KLHL1: variants seen among roughly 807,000 people sequenced by gnomAD.
KLHL1 encodes kelch-like protein 1.
KLHL1 carries 47 observed loss-of-function variants against 77.7 expected under a neutral mutation model. That is an observed-to-expected ratio of 0.60 (90% confidence interval 0.48 to 0.77). The LOEUF (loss-of-function observed/expected upper bound fraction) is 0.77. Among genes scored for constraint, KLHL1 ranks in the 30% least tolerant of loss-of-function variants. The pLI is 0.00. For missense variants in KLHL1, 925 were observed against 910.8 expected (o/e 1.02, Z -0.20); for synonymous variants, 360 against 325.2 (o/e 1.11, Z -1.15).
intron 5 of KLHL1, among the ~76,000 whole-genome samples, chr13:69,874,473 A>C (rs1880693960): frequency 6.6e-6 from 1 of 152,198 alleles, no homozygotes; most frequent in Admixed American, 6.5e-5. Context: ...TAATTAATTC[A>C]GTTTTCCAAA....
At chr13:69,921,424 A>G (rs1309630729) in intron 4 of KLHL1, among the ~76,000 whole-genome samples, 1 of 152,218 alleles carries the variant, frequency 6.6e-6, no homozygotes, top group Non-Finnish European at 1.5e-5. Flanking sequence ...GTTGTCAGAT[A>G]TGGAAGGAGA....
chr13:69,734,254 C>T (rs952416310), intron 8 of KLHL1, among the ~76,000 whole-genome samples: 1 of 152,126 alleles, frequency 6.6e-6, no homozygotes, highest in African/African-American at 2.4e-5. Flanking sequence ...GATGTGCCTG[C>T]TCCCCCCTGG....
intron 7 of KLHL1, among the ~76,000 whole-genome samples, chr13:69,774,647 A>T (rs1310381693): frequency 6.8e-6 from 1 of 147,216 alleles, no homozygotes; most frequent in Non-Finnish European, 1.5e-5. Context: ...TTCCTAATAA[A>T]CTTGCCTTCA....
chr13:69,840,787 T>A (rs1240466922), intron 5 of KLHL1, among the ~76,000 whole-genome samples: 2 of 125,140 alleles, frequency 1.6e-5, no homozygotes, highest in African/African-American at 7.9e-5. Context: ...TTTAGTAAAT[T>A]TTTTTTTTTT....
chr13:69,835,576 C>A lies in KLHL1; in HGVS notation c.1414+3400G>T, dbSNP rs995348024. ...CTCTAAGTTACTGAGGCCTTTGGTT[C>A]TGGGTTGAAGCAGATTCAGGCTCAT... On this transcript the variant is annotated intron_variant, in intron 6 of 10. Coordinates refer to ENST00000377844, the MANE Select transcript of KLHL1 (RefSeq NM_020866.3). Among the ~76,000 whole-genome samples the A allele has an allele frequency of 6.6e-5, 10 of 152,046 alleles. No homozygotes were observed. The South Asian group carries it at 1.5e-3, about 22-fold the overall frequency.
intron 6 of KLHL1, among the ~76,000 whole-genome samples, chr13:69,829,873 T>C (rs561114297): frequency 2.7e-5 from 4 of 150,236 alleles, no homozygotes; most frequent in Admixed American, 2.0e-4. Context: ...GAAGAAAAGA[T>C]ATAATAATAT....
intron 9 of KLHL1, among the ~76,000 whole-genome samples, chr13:69,712,566 G>A (rs1290621366): frequency 6.6e-6 from 1 of 151,852 alleles, no homozygotes; most frequent in Non-Finnish European, 1.5e-5. Flanking sequence ...TTACTACAAT[G>A]TCTAGTTAAA....
At chr13:70,048,462 A>G (rs1044136443) in intron 1 of KLHL1, among the ~76,000 whole-genome samples, 3 of 152,268 alleles carry the variant, frequency 2.0e-5, no homozygotes, top group African/African-American at 7.2e-5. Context: ...TACAACATCA[A>G]CTTGTCTGGC....
Position 69,783,460 on chromosome 13 carries a change from C to T in KLHL1, c.1639+13278G>A, listed in dbSNP as rs140015165. 2.0e-3 allele frequency among the ~76,000 whole-genome samples: 300 copies of T among 152,114 alleles called. 1 individual carries two copies. Among genetic ancestry groups the T allele is most frequent in the African/African-American group, 6.8e-3 (284 of 41,500 alleles). ...TTAGACAAATGGATAACTAGAATAA[C>T]CAAAGCAGAGAAGTCCTTAAAGGAG... On this transcript the variant is annotated intron_variant, in intron 7 of 10. Transcript: ENST00000377844.
At chr13:69,918,557 G>A (rs1202687276) in intron 4 of KLHL1, among the ~76,000 whole-genome samples, 1 of 151,480 alleles carries the variant, frequency 6.6e-6, no homozygotes, top group Non-Finnish European at 1.5e-5. Context: ...TTCCTAATGG[G>A]ATATCTTACA....
intron 7 of KLHL1, among the ~76,000 whole-genome samples, chr13:69,785,489 G>A (rs1876487368): frequency 6.6e-6 from 1 of 152,118 alleles, no homozygotes; most frequent in South Asian, 2.1e-4. Context: ...CAGAATCTCT[G>A]GGACACATTC....
intron 5 of KLHL1, among the ~76,000 whole-genome samples, chr13:69,878,081 T>C (rs1880833406): frequency 6.6e-6 from 1 of 152,160 alleles, no homozygotes; most frequent in Non-Finnish European, 1.5e-5. Context: ...CTAATCGTTC[T>C]TTTAACATGT....
intron 4 of KLHL1, among the ~76,000 whole-genome samples, chr13:69,913,471 C>T (rs190675876): frequency 1.6e-4 from 24 of 152,318 alleles, no homozygotes; most frequent in Middle Eastern, 3.4e-3. Context: ...TGGCGGTGCA[C>T]GCGATGGGGA....
At chr13:70,001,120 G>A (rs867893461) in intron 1 of KLHL1, among the ~76,000 whole-genome samples, 8 of 151,060 alleles carry the variant, frequency 5.3e-5, no homozygotes, top group African/African-American at 1.7e-4. Flanking sequence ...TTGTTGTTTA[G>A]TAATTTATTT....
intron 5 of KLHL1, among the ~76,000 whole-genome samples, chr13:69,848,155 C>T (rs1469712390): frequency 6.6e-6 from 1 of 151,474 alleles, no homozygotes; most frequent in African/African-American, 2.4e-5. Flanking sequence ...TGCCTCATAC[C>T]TAGAGAGCTT....
In KLHL1 at chr13:69,701,382, T is replaced by C; in HGVS notation, c.*320A>G. On this transcript the variant is annotated 3_prime_UTR_variant, in exon 11 of 11. Transcript: ENST00000377844. Reference sequence around the variant, plus strand: ...CATGAAACTATCCATGTCACAAATATTGGTCTCTCCTTTCAACTGCTCAAG... The same window carrying C: ...CATGAAACTATCCATGTCACAAATACTGGTCTCTCCTTTCAACTGCTCAAG... 1 of 216,228 alleles carries C rather than the reference T, an allele frequency of 4.6e-6. No individual in the cohort carries two copies. Among genetic ancestry groups the C allele is most frequent in the Non-Finnish European group, 9.1e-6 (1 of 110,398 alleles). The allele number at this position is 216,228 out of a possible 1,614,324, so 13.4% of individuals were successfully genotyped here.
chr13:69,983,363 A>C (rs1312783478), intron 1 of KLHL1, among the ~76,000 whole-genome samples: 2 of 152,050 alleles, frequency 1.3e-5, no homozygotes, highest in Non-Finnish European at 2.9e-5. Flanking sequence ...ATTTGTATGA[A>C]ATTTATATGG....
Position 70,074,781 on chromosome 13 carries a change from C to T in KLHL1, c.497+32422G>A, listed in dbSNP as rs570876544. On this transcript the variant is annotated intron_variant, in intron 1 of 10. Coordinates refer to ENST00000377844, the MANE Select transcript of KLHL1 (RefSeq NM_020866.3). ...ATTATGCTGTTGATCATAGCCAGTA[C>T]AATAAAGCAATAAATTAAAATAAAA... Among the ~76,000 whole-genome samples the T allele has an allele frequency of 1.1e-3, 172 of 149,920 alleles. 1 individual carries two copies. Among genetic ancestry groups the T allele is most frequent in the Middle Eastern group, 0.011 (3 of 284 alleles).
intron 4 of KLHL1, among the ~76,000 whole-genome samples, chr13:69,936,928 T>G (rs1005625390): frequency 7.9e-5 from 12 of 152,154 alleles, no homozygotes; most frequent in African/African-American, 2.2e-4. Context: ...TTATTTTACT[T>G]TTCCATTTAC....
Sources: gnomAD v4.1 joint callset for allele counts (sites outside exome capture counted in the v4.1 genomes callset) on GRCh38, gnomAD v4.1.1 for gene constraint, MANE v1.5 for transcripts, NCBI Gene and HGNC (gene_info 2026-07-23, HGNC 2026-07-21) for gene names.